Variants in VMP1 observed in about 807,000 individuals in gnomAD.
VMP1 encodes the protein ectopic P-granules autophagy protein 3 homolog.
Under a neutral mutation model 56.0 loss-of-function variants are expected in VMP1, and 11 were observed. The ratio of observed to expected loss-of-function variants is 0.20; its 90% CI spans 0.12 to 0.32. The LOEUF is 0.32. Ranked by LOEUF, VMP1 falls within the 10% of genes least tolerant of loss-of-function variation. The probability of loss-of-function intolerance (pLI) is 1.00; values close to 1 mark genes in which losing one functional copy is unlikely to be tolerated. For synonymous variants in VMP1, 149 were observed against 165.0 expected (o/e 0.90, Z 0.74); for missense variants, 296 against 490.3 (o/e 0.60, Z 3.74).
In VMP1 at chr17:59,721,333, C is replaced by T. The variant is rs149690016; in HGVS notation, c.-26-10088C>T. ...TGCACTCCAGCCTGGGCGACAAGAG[C>T]GAAACTCCGTCTCAAAAAAGAAAAA... On this transcript the variant is annotated intron_variant, in intron 1 of 11. Coordinates refer to ENST00000262291, the MANE Select transcript of VMP1 (RefSeq NM_030938.5). Among the ~76,000 whole-genome samples, 1,172 of 152,054 alleles carry T rather than the reference C, an allele frequency of 7.7e-3. 17 individuals are homozygous for T. The highest frequency in any genetic ancestry group is 0.027 in the African/African-American group (1,136 of 41,464).
chr17:59,735,286 T>G (rs1047778669), intron 2 of VMP1, 52 bp from the exon 3 acceptor site: 1 of 1,591,214 alleles, frequency 6.3e-7, no homozygotes, highest in Non-Finnish European at 8.6e-7. Flanking sequence ...TTGAAGAGAA[T>G]AAGCATAAAT....
chr17:59,713,718 G>A (rs1416182556), intron 1 of VMP1, among the ~76,000 whole-genome samples: 3 of 136,268 alleles, frequency 2.2e-5, no homozygotes, highest in Non-Finnish European at 3.2e-5. Flanking sequence ...AAAAAAGAGA[G>A]ACTTTTTTTT....
intron 5 of VMP1, among the ~76,000 whole-genome samples, chr17:59,759,605 T>G (rs1056103707): frequency 6.6e-6 from 1 of 152,162 alleles, no homozygotes; most frequent in Non-Finnish European, 1.5e-5. Context: ...TACTTTATCT[T>G]TTTTATGGAT....
intron 8 of VMP1, among the ~76,000 whole-genome samples, chr17:59,809,421 A>C (rs548356356): frequency 7.5e-6 from 1 of 133,872 alleles, no homozygotes; most frequent in East Asian, 2.3e-4. Context: ...GGTTCAAACG[A>C]TTCTCCTGCC....
chr17:59,744,951 G>T (rs2035370341), intron 5 of VMP1, among the ~76,000 whole-genome samples: 1 of 152,134 alleles, frequency 6.6e-6, no homozygotes, highest in Admixed American at 6.6e-5. Context: ...TTAATTGACT[G>T]GTTGGGGTGG....
chr17:59,760,864 C>T (rs1404180672), intron 5 of VMP1, among the ~76,000 whole-genome samples: 1 of 152,170 alleles, frequency 6.6e-6, no homozygotes, highest in Non-Finnish European at 1.5e-5. Flanking sequence ...CATGATCCAC[C>T]CACCTTGGCC....
At chr17:59,749,514 C>CTT (rs1007707784) in intron 5 of VMP1, among the ~76,000 whole-genome samples, 4 of 142,900 alleles carry the variant, frequency 2.8e-5, no homozygotes, top group East Asian at 2.0e-4. Flanking sequence ...TTTAAATAAT[C>CTT]TTTTTTTTTT....
At chr17:59,837,981 A>G (rs1222190042) in intron 10 of VMP1, 1 of 216,874 alleles carries the variant, frequency 4.6e-6, no homozygotes, top group Non-Finnish European at 9.2e-6. Context: ...AGCTGACCTT[A>G]CTCTGAGGAC....
chr17:59,728,845 A>G (rs910926499), intron 1 of VMP1, among the ~76,000 whole-genome samples: 1 of 152,136 alleles, frequency 6.6e-6, no homozygotes, highest in Non-Finnish European at 1.5e-5. Context: ...TAATTCACCC[A>G]TTTAAACGGT....
intron 8 of VMP1, among the ~76,000 whole-genome samples, chr17:59,809,409 C>T (rs796913554): frequency 2.1e-5 from 3 of 145,870 alleles, no homozygotes; most frequent in East Asian, 4.1e-4. Context: ...CTCCACCTCC[C>T]GGGTTCAAAC....
At chr17:59,755,676 C>T in intron 5 of VMP1, among the ~76,000 whole-genome samples, 1 of 151,594 alleles carries the variant, frequency 6.6e-6, no homozygotes, top group Non-Finnish European at 1.5e-5. Context: ...CTGAAATCCA[C>T]ATTAATGCAT....
chr17:59,802,692 A>C (rs2037715477), intron 7 of VMP1, among the ~76,000 whole-genome samples: 1 of 152,072 alleles, frequency 6.6e-6, no homozygotes, highest in African/African-American at 2.4e-5. Context: ...AGGCCTCCTG[A>C]GTAGCTAGGA....
chr17:59,723,235 G>A (rs2034466962), intron 1 of VMP1, among the ~76,000 whole-genome samples: 1 of 152,112 alleles, frequency 6.6e-6, no homozygotes, highest in Non-Finnish European at 1.5e-5. Context: ...AAAGCAGTAT[G>A]GCAACATCAT....
chr17:59,752,279 G>A (rs557497162), intron 5 of VMP1, among the ~76,000 whole-genome samples: 22 of 152,266 alleles, frequency 1.4e-4, no homozygotes, highest in Non-Finnish European at 2.8e-4. Context: ...ATAAAAACAG[G>A]TAGCAGGCTG....
intron 7 of VMP1, among the ~76,000 whole-genome samples, chr17:59,798,933 C>T (rs1442329158): frequency 1.3e-5 from 2 of 152,144 alleles, no homozygotes; most frequent in Non-Finnish European, 2.9e-5. Context: ...TTGTTACCAA[C>T]TAAATTTTCA....
chr17:59,773,176 G>A (rs977033427), intron 6 of VMP1, among the ~76,000 whole-genome samples: 1 of 151,646 alleles, frequency 6.6e-6, no homozygotes, highest in Non-Finnish European at 1.5e-5. Context: ...TGGCCAGGAT[G>A]GTCTCGATCT....
chr17:59,736,390 G>A (rs189331032), intron 3 of VMP1, among the ~76,000 whole-genome samples: 20 of 117,596 alleles, frequency 1.7e-4, no homozygotes, highest in African/African-American at 3.8e-4. Context: ...GCAACAGAAC[G>A]ATACTCTGTC....
chr17:59,724,818 T>A (rs557992687), intron 1 of VMP1, among the ~76,000 whole-genome samples: 104 of 151,872 alleles, frequency 6.8e-4, no homozygotes, highest in Non-Finnish European at 1.3e-3. Flanking sequence ...ACAAAAAAAT[T>A]AGCCGGGCCT....
chr17:59,781,487 GTTA>G (rs1401372462), intron 7 of VMP1, among the ~76,000 whole-genome samples: 1 of 152,022 alleles, frequency 6.6e-6, no homozygotes, highest in East Asian at 1.9e-4. Flanking sequence ...TGATACCAAT[GTTA>G]TTATAAAATT....
Sources: gnomAD v4.1 joint callset for allele counts (sites outside exome capture counted in the v4.1 genomes callset) on GRCh38, gnomAD v4.1.1 for gene constraint, MANE v1.5 for transcripts, NCBI Gene and HGNC (gene_info 2026-07-23, HGNC 2026-07-21) for gene names.